The following PLXDC2 variants were observed in gnomAD, a reference collection of about 807,000 sequenced individuals.
The protein encoded by PLXDC2 is plexin domain-containing protein 2.
In PLXDC2, 40 loss-of-function variants were observed where a neutral mutation model predicts 68.9. The observed-to-expected ratio is 0.58, with a 90% CI of 0.45 to 0.76. The LOEUF (loss-of-function observed/expected upper bound fraction) is 0.76. Among genes scored for constraint, PLXDC2 ranks in the 30% least tolerant of loss-of-function variants. PLXDC2 has a pLI of 0.00. For missense variants in PLXDC2, 644 were observed against 661.9 expected (o/e 0.97, Z 0.30); for synonymous variants, 243 against 234.2 (o/e 1.04, Z -0.34).
intron 1 of PLXDC2, among the ~76,000 whole-genome samples, chr10:19,927,713 C>CAAAAAAAAGAA (rs1833561848): frequency 1.9e-5 from 1 of 53,142 alleles, no homozygotes; most frequent in African/African-American, 7.9e-5. Flanking sequence ...GGAAAAAAAG[C>CAAAAAAAAGAA]AAAAAAAAAA....
At chr10:19,961,547 G>A (rs1475123280) in intron 1 of PLXDC2, among the ~76,000 whole-genome samples, 1 of 152,214 alleles carries the variant, frequency 6.6e-6, no homozygotes, top group Non-Finnish European at 1.5e-5. Context: ...CTTATGACAT[G>A]ATCAGTTCTA....
intron 4 of PLXDC2, among the ~76,000 whole-genome samples, chr10:20,127,209 T>A (rs1833804842): frequency 6.6e-6 from 1 of 152,084 alleles, no homozygotes; most frequent in Non-Finnish European, 1.5e-5. Flanking sequence ...CCTAAATGAA[T>A]GGGATTTATC....
At chr10:20,127,360 A>G (rs1348439632) in intron 4 of PLXDC2, among the ~76,000 whole-genome samples, 1 of 152,200 alleles carries the variant, frequency 6.6e-6, no homozygotes, top group Admixed American at 6.5e-5. Flanking sequence ...ATGGAAAACA[A>G]AAACATTTCT....
At chr10:20,072,453 GAAA>G (rs1293945049) in intron 4 of PLXDC2, among the ~76,000 whole-genome samples, 2 of 119,896 alleles carry the variant, frequency 1.7e-5, no homozygotes, top group Non-Finnish European at 3.6e-5. Flanking sequence ...AGGAAAGAAA[GAAA>G]AAGAAGAAAG....
chr10:19,934,183 A>G (rs1281521131), intron 1 of PLXDC2, among the ~76,000 whole-genome samples: 3 of 152,242 alleles, frequency 2.0e-5, no homozygotes, highest in Admixed American at 2.0e-4. Context: ...TACTTGCATT[A>G]CACAATGGGT....
chr10:20,103,778 G>T (rs998775568), intron 4 of PLXDC2, among the ~76,000 whole-genome samples: 1 of 151,946 alleles, frequency 6.6e-6, no homozygotes, highest in Non-Finnish European at 1.5e-5. Flanking sequence ...AGTAGCTTGG[G>T]TTTACAGGCA....
intron 12 of PLXDC2, among the ~76,000 whole-genome samples, chr10:20,220,155 A>G (rs1352512258): frequency 1.3e-5 from 2 of 152,124 alleles, no homozygotes; most frequent in Non-Finnish European, 2.9e-5. Context: ...TTCATTTCTT[A>G]TTCATCATTG....
At chr10:20,182,648 G>T (rs1224761371) in intron 9 of PLXDC2, among the ~76,000 whole-genome samples, 1 of 150,984 alleles carries the variant, frequency 6.6e-6, no homozygotes, top group Non-Finnish European at 1.5e-5. Flanking sequence ...TATCAAATTG[G>T]TTTTCTATAG....
chr10:20,251,533 T>C (rs1385020102), intron 13 of PLXDC2, among the ~76,000 whole-genome samples: 1 of 152,160 alleles, frequency 6.6e-6, no homozygotes, highest in African/African-American at 2.4e-5. Flanking sequence ...TTGTAATATA[T>C]TTTATTGTTT....
At chr10:19,990,086 A>G (rs1406869923) in intron 1 of PLXDC2, among the ~76,000 whole-genome samples, 3 of 151,112 alleles carry the variant, frequency 2.0e-5, no homozygotes, top group African/African-American at 7.3e-5. Flanking sequence ...TTACTTTACC[A>G]CCAGGATTTT....
chr10:20,017,012 G>A (rs10764184), intron 2 of PLXDC2, among the ~76,000 whole-genome samples: 66,373 of 152,020 alleles, frequency 0.44, 14,565 homozygotes, highest in East Asian at 0.54. Flanking sequence ...TACTTAGCTA[G>A]TTTCCTCTCT....
chr10:19,928,117 C>T (rs1564631017), intron 1 of PLXDC2, among the ~76,000 whole-genome samples: 1 of 152,162 alleles, frequency 6.6e-6, no homozygotes, highest in Non-Finnish European at 1.5e-5. Flanking sequence ...CTGCAAAAGA[C>T]ATTATTTCTA....
intron 1 of PLXDC2, among the ~76,000 whole-genome samples, chr10:19,955,501 G>T (rs1217193495): frequency 1.3e-5 from 2 of 152,076 alleles, no homozygotes. Context: ...GAAAGCTCAT[G>T]GTCCCAGGTC....
At chr10:20,072,601 T>A (rs1836355079) in intron 4 of PLXDC2, among the ~76,000 whole-genome samples, 2 of 151,738 alleles carry the variant, frequency 1.3e-5, no homozygotes, top group African/African-American at 2.4e-5. Flanking sequence ...AGCATTGGGT[T>A]TCTTAGAGAA....
chr10:19,922,994 T>C (rs922974312), intron 1 of PLXDC2, among the ~76,000 whole-genome samples: 18 of 152,206 alleles, frequency 1.2e-4, no homozygotes, highest in Admixed American at 8.5e-4. Context: ...GGAAATCTGA[T>C]CTATCTATCT....
chr10:20,014,714 T>A (rs1166196022), intron 2 of PLXDC2, among the ~76,000 whole-genome samples: 1 of 152,202 alleles, frequency 6.6e-6, no homozygotes, highest in African/African-American at 2.4e-5. Flanking sequence ...GTTTTGTTGC[T>A]GAACAATAAT....
chr10:19,830,734 G>T (rs912081651), intron 1 of PLXDC2, among the ~76,000 whole-genome samples: 1 of 134,634 alleles, frequency 7.4e-6, no homozygotes, highest in Non-Finnish European at 1.6e-5. Flanking sequence ...CTCCGGAAAA[G>T]AGAAGGTTTT....
chr10:20,203,950 T>G (rs1258531669), intron 9 of PLXDC2, among the ~76,000 whole-genome samples: 1 of 152,156 alleles, frequency 6.6e-6, no homozygotes, highest in Non-Finnish European at 1.5e-5. Context: ...GAAAACACAC[T>G]CCACCTTCTT....
chr10:19,970,568 T>C (rs1484070814), intron 1 of PLXDC2, among the ~76,000 whole-genome samples: 1 of 152,236 alleles, frequency 6.6e-6, no homozygotes, highest in Non-Finnish European at 1.5e-5. Context: ...TAGCCTCCTC[T>C]ATAGCCAATG....
Sources: allele counts gnomAD v4.1 joint callset (sites outside exome capture counted in the v4.1 genomes callset), GRCh38; gene constraint gnomAD v4.1.1; transcripts MANE v1.5; gene names NCBI Gene and HGNC (gene_info 2026-07-23, HGNC 2026-07-21).